The following ZFPM1 variants were observed in gnomAD, a reference collection of about 807,000 sequenced individuals.
ZFPM1 encodes zinc finger protein ZFPM1.
Under a neutral mutation model 46.3 loss-of-function variants are expected in ZFPM1, and 28 were observed. That is an observed-to-expected ratio of 0.60 (90% CI 0.45 to 0.83). The LOEUF (loss-of-function observed/expected upper bound fraction) is 0.83, where lower values mean the gene tolerates loss of function less well. Among genes scored for constraint, ZFPM1 ranks in the 40% least tolerant of loss-of-function variants. The pLI is 0.00. For missense variants in ZFPM1, 1,878 were observed against 1,432.4 expected (o/e 1.31, Z -5.02); for synonymous variants, 957 against 675.9 (o/e 1.42, Z -6.45).
chr16:88,521,945 A>G (rs1043917755), intron 4 of ZFPM1: 3 of 152,278 alleles, frequency 2.0e-5, no homozygotes, highest in African/African-American at 7.3e-5. Flanking sequence ...GTCTCGGCCA[A>G]CATCCTGGCA....
chr16:88,529,042 G>A (rs1457645995), intron 6 of ZFPM1, among the ~76,000 whole-genome samples: 1 of 152,258 alleles, frequency 6.6e-6, no homozygotes, highest in Non-Finnish European at 1.5e-5. Flanking sequence ...CACCGTGGGA[G>A]GCCGAGGCAG....
At chr16:88,514,355 G>T in intron 3 of ZFPM1, 32 bp from the exon 4 acceptor site, 2 of 1,556,162 alleles carry the variant, frequency 1.3e-6, no homozygotes, top group Non-Finnish European at 1.7e-6. Flanking sequence ...CCCAGACCGG[G>T]CACGCCTCAT....
rs1293133310 is a variant in ZFPM1, at chr16:88,489,284, C to A, written c.268+131C>A. On this transcript the variant is annotated intron_variant, in intron 3 of 9. Transcript: ENST00000319555. ...GAGACCCACCAGGCCCAGGCCTGTG[C>A]CTAGTCCAAAGCTCAGCCAACCCGT... The A allele has an allele frequency of 3.6e-6, 5 of 1,374,748 alleles. No homozygotes were observed. In the East Asian group the frequency reaches 7.8e-5, roughly 21 times the overall value. The allele number at this position is 1,374,748 out of a possible 1,614,324, so 85.2% of individuals were successfully genotyped here.
intron 4 of ZFPM1, among the ~76,000 whole-genome samples, chr16:88,525,781 G>A (rs756339782): frequency 1.1e-4 from 16 of 152,184 alleles, no homozygotes; most frequent in Non-Finnish European, 1.5e-4. Flanking sequence ...GCCCCACCTC[G>A]CCCTGTCCCA....
intron 1 of ZFPM1, among the ~76,000 whole-genome samples, chr16:88,459,885 G>A (rs1907739226): frequency 6.8e-6 from 1 of 147,238 alleles, no homozygotes; most frequent in Admixed American, 6.9e-5. Flanking sequence ...CTCTTCCCAA[G>A]CTGTCTCCCA....
rs952865190 is a variant in ZFPM1, at chr16:88,534,219, C to T, written c.2261C>T (p.Ala754Val). ...CTCTACGAGCTGCACGCGGCCGGCG[C>T]CCCGCCCCCCCCGCCGCCCGGCCAC... ...RKLYELHAAGAPPPPPPGHAP... is the reference protein window; with the variant it reads ...RKLYELHAAGVPPPPPPGHAP... Residue 754 changes from alanine to valine, a missense_variant, in exon 10 of 10, where the codon GCC (alanine) becomes GTC (valine). Physicochemically the swap from Ala to Val is moderately conservative, Grantham distance 64. Coordinates refer to ENST00000319555, the MANE Select transcript of ZFPM1 (RefSeq NM_153813.3). 6.1e-6 allele frequency: 6 copies of T among 981,192 alleles called. No individual in the cohort carries two copies. In the East Asian group the frequency reaches 3.5e-4, roughly 57 times the overall value. 60.8% of individuals were successfully genotyped at this position (981,192 alleles called of 1,614,324 possible).
chr16:88,464,873 T>C (rs529092327), intron 1 of ZFPM1, among the ~76,000 whole-genome samples: 1 of 148,460 alleles, frequency 6.7e-6, no homozygotes, highest in African/African-American at 2.5e-5. Flanking sequence ...TAGCCCAGCC[T>C]CTCCACCCAT....
chr16:88,519,719 G>A (rs117863389), intron 4 of ZFPM1, among the ~76,000 whole-genome samples: 9,280 of 135,250 alleles, frequency 0.069, 483 homozygotes, highest in Non-Finnish European at 0.11. Flanking sequence ...GGATGGGAGG[G>A]TGGGTGGATG....
chr16:88,476,639 G>A (rs1908700492), intron 1 of ZFPM1, among the ~76,000 whole-genome samples: 1 of 152,158 alleles, frequency 6.6e-6, no homozygotes, highest in Non-Finnish European at 1.5e-5. Flanking sequence ...CAGAGGAGGT[G>A]AGGGGTTGGG....
chr16:88,525,418 G>A (rs574157503), intron 4 of ZFPM1, among the ~76,000 whole-genome samples: 14 of 152,304 alleles, frequency 9.2e-5, no homozygotes, highest in South Asian at 8.3e-4. Flanking sequence ...AACCTGTCCC[G>A]GGCCAGCGGC....
chr16:88,466,267 A>G (rs1338867952), intron 1 of ZFPM1, among the ~76,000 whole-genome samples: 1 of 152,174 alleles, frequency 6.6e-6, no homozygotes, highest in African/African-American at 2.4e-5. Flanking sequence ...TCCGTTACCC[A>G]GCCCCGGCAG....
chr16:88,508,435 C>G (rs975235336), intron 3 of ZFPM1, among the ~76,000 whole-genome samples: 2 of 152,262 alleles, frequency 1.3e-5, no homozygotes, highest in Non-Finnish European at 2.9e-5. Flanking sequence ...CAGGACCACC[C>G]TTTCTACTGC....
intron 1 of ZFPM1, among the ~76,000 whole-genome samples, chr16:88,460,247 G>GA (rs1907756389): frequency 1.3e-5 from 2 of 152,192 alleles, no homozygotes; most frequent in East Asian, 3.9e-4. Context: ...AGAGGCCCAG[G>GA]GTTTATCGAG....
chr16:88,511,296 G>A (rs189065899), intron 3 of ZFPM1, among the ~76,000 whole-genome samples: 190 of 152,148 alleles, frequency 1.2e-3, no homozygotes, highest in African/African-American at 4.4e-3. Context: ...CAAGCACTGA[G>A]CTCACGGTGG....
chr16:88,456,877 C>T (rs1171621072), intron 1 of ZFPM1, among the ~76,000 whole-genome samples: 1 of 152,136 alleles, frequency 6.6e-6, no homozygotes, highest in Non-Finnish European at 1.5e-5. Context: ...GCCCATGGAT[C>T]CCACAGGCCA....
intron 1 of ZFPM1, among the ~76,000 whole-genome samples, chr16:88,484,496 G>A (rs546823410): frequency 1.3e-5 from 2 of 152,284 alleles, no homozygotes; most frequent in South Asian, 4.1e-4. Context: ...TCATTATTCT[G>A]CTGTGACCAT....
intron 3 of ZFPM1, among the ~76,000 whole-genome samples, chr16:88,514,038 A>C (rs1015114492): frequency 2.0e-5 from 3 of 152,216 alleles, no homozygotes; most frequent in African/African-American, 7.2e-5. Flanking sequence ...GGGGGCCCCC[A>C]GTCAGCCATG....
At chr16:88,501,271 T>A (rs368708408) in intron 3 of ZFPM1, among the ~76,000 whole-genome samples, 1 of 57,156 alleles carries the variant, frequency 1.7e-5, no homozygotes. Flanking sequence ...ATGGAGATAG[T>A]GGGCCTGGGT....
At chr16:88,453,086 G>GCGCGGT (rs1486630381), upstream of ZFPM1, among the ~76,000 whole-genome samples, 1 of 151,374 alleles carries the variant, frequency 6.6e-6, no homozygotes, top group Non-Finnish European at 1.5e-5. Flanking sequence ...GCGGGCGGGG[G>GCGCGGT]CGCGGTCGCG....
Sources: allele counts gnomAD v4.1 joint callset (sites outside exome capture counted in the v4.1 genomes callset), GRCh38; gene constraint gnomAD v4.1.1; transcripts MANE v1.5; gene names NCBI Gene and HGNC (gene_info 2026-07-23, HGNC 2026-07-21).